DOCK3: variants seen among roughly 807,000 people sequenced by gnomAD.
DOCK3 encodes the protein dedicator of cytokinesis protein 3.
DOCK3 carries 60 observed loss-of-function variants against 265.6 expected under a neutral mutation model. The ratio of observed to expected loss-of-function variants is 0.23; its 90% CI spans 0.18 to 0.28. The LOEUF is 0.28. Among genes scored for constraint, DOCK3 ranks in the 10% least tolerant of loss-of-function variants. The pLI is 1.00. For missense variants in DOCK3, 1,981 were observed against 2,594.3 expected, an observed-to-expected ratio of 0.76 and a Z score of 5.14; for synonymous variants, 881 against 938.0, an observed-to-expected ratio of 0.94 and a Z score of 1.11.
intron 49 of DOCK3, among the ~76,000 whole-genome samples, chr3:51,367,745 T>C (rs2087334634): frequency 6.6e-6 from 1 of 152,236 alleles, no homozygotes; most frequent in South Asian, 2.1e-4. Context: ...CTCCTTCACT[T>C]ATGAAGCTTA....
rs912092126 is a variant in DOCK3, at chr3:51,310,428, G to T, written c.3017+102G>T. 7 of 1,080,440 alleles carry T rather than the reference G, an allele frequency of 6.5e-6. No individual in the cohort carries two copies. The South Asian group carries it at 9.7e-5, about 15-fold the overall frequency. The allele number at this position is 1,080,440 out of a possible 1,614,324, so 66.9% of individuals were successfully genotyped here. A position where few individuals can be genotyped will look rare whatever the true frequency, so the allele number is the denominator to read the frequency against. On this transcript the variant is annotated intron_variant, in intron 28 of 52. Coordinates refer to ENST00000266037, the MANE Select transcript of DOCK3 (RefSeq NM_004947.5). Reference sequence around the variant, plus strand: ...GAGCACATGAGCAAGACAAATAAAGGCCAGGGCCATGGGAACAGAGAGGAG... The same window carrying T: ...GAGCACATGAGCAAGACAAATAAAGTCCAGGGCCATGGGAACAGAGAGGAG...
At chr3:51,165,069 G>A (rs529969779) in intron 12 of DOCK3, among the ~76,000 whole-genome samples, 1 of 150,518 alleles carries the variant, frequency 6.6e-6, no homozygotes, top group Admixed American at 6.7e-5. Flanking sequence ...CTCCCGAGTA[G>A]CTGGGACTAC....
intron 4 of DOCK3, among the ~76,000 whole-genome samples, chr3:50,927,375 T>C (rs752423150): frequency 9.9e-5 from 15 of 152,168 alleles, no homozygotes; most frequent in Non-Finnish European, 1.9e-4. Flanking sequence ...TGTCTATAGC[T>C]AACAATAATT....
At chr3:50,811,784 A>G (rs371866050) in intron 2 of DOCK3, among the ~76,000 whole-genome samples, 1 of 152,230 alleles carries the variant, frequency 6.6e-6, no homozygotes, top group South Asian at 2.1e-4. Flanking sequence ...ATCTAAATAT[A>G]TTGTTATAAC....
intron 39 of DOCK3, 54 bp downstream of exon 39, chr3:51,348,992 GA>G: frequency 6.7e-7 from 1 of 1,493,722 alleles, no homozygotes; most frequent in Non-Finnish European, 9.1e-7. Flanking sequence ...GTTTCTAAAT[GA>G]GCGTTCTCTA....
At chr3:50,725,795 G>T (rs2037784649) in intron 1 of DOCK3, among the ~76,000 whole-genome samples, 1 of 152,040 alleles carries the variant, frequency 6.6e-6, no homozygotes, top group East Asian at 1.9e-4. Context: ...TTGGTTTAGG[G>T]GCTTGCTTTT....
intron 5 of DOCK3, among the ~76,000 whole-genome samples, chr3:50,996,374 C>T (rs757512416): frequency 1.3e-5 from 2 of 151,738 alleles, no homozygotes; most frequent in Admixed American, 6.6e-5. Context: ...CCTACCACCA[C>T]GCCTGGCTAA....
chr3:51,338,477 C>T (rs2085011628), intron 36 of DOCK3, 58 bp downstream of exon 36: 1 of 1,541,564 alleles, frequency 6.5e-7, no homozygotes, highest in Middle Eastern at 1.7e-4. Flanking sequence ...CTGTCCTGCA[C>T]TGTGATTGGC....
At chr3:51,234,332 G>C (rs1263117776) in intron 19 of DOCK3, among the ~76,000 whole-genome samples, 2 of 151,960 alleles carry the variant, frequency 1.3e-5, no homozygotes, top group Non-Finnish European at 2.9e-5. Flanking sequence ...CCATCTTTTT[G>C]ATTGCGTTGT....
chr3:50,854,462 G>T (rs1205802958), intron 3 of DOCK3, among the ~76,000 whole-genome samples: 3 of 143,202 alleles, frequency 2.1e-5, no homozygotes. Flanking sequence ...ACAGGGTCTT[G>T]CTCTGTCATC....
chr3:51,074,325 G>C (rs1467895166), intron 6 of DOCK3, among the ~76,000 whole-genome samples: 1 of 152,140 alleles, frequency 6.6e-6, no homozygotes, highest in African/African-American at 2.4e-5. Context: ...GTTTAGAGCT[G>C]TTGTCTTAGA....
intron 5 of DOCK3, among the ~76,000 whole-genome samples, chr3:51,016,557 C>T (rs1289694767): frequency 0.021 from 138 of 6,608 alleles, 9 homozygotes; most frequent in African/African-American, 0.15. Context: ...TTATATATAT[C>T]ATATATTATA....
chr3:50,912,076 A>G (rs1407136375), intron 4 of DOCK3, among the ~76,000 whole-genome samples: 1 of 152,060 alleles, frequency 6.6e-6, no homozygotes, highest in African/African-American at 2.4e-5. Flanking sequence ...ATTTTCTGGT[A>G]GAGTTTGTAG....
At chr3:51,057,028 A>G (rs1289619479) in intron 5 of DOCK3, among the ~76,000 whole-genome samples, 2 of 152,224 alleles carry the variant, frequency 1.3e-5, no homozygotes, top group African/African-American at 2.4e-5. Flanking sequence ...GTCCGTAAGC[A>G]TATGTAGTTT....
chr3:51,095,877 G>GAATGTTGA (rs2082832297), intron 9 of DOCK3, among the ~76,000 whole-genome samples: 1 of 33,756 alleles, frequency 3.0e-5, no homozygotes, highest in African/African-American at 1.2e-4. Context: ...AAAAAAAAAA[G>GAATGTTGA]AATGTTGACT....
chr3:50,978,994 C>T (rs1295295398), intron 5 of DOCK3, among the ~76,000 whole-genome samples: 3 of 152,172 alleles, frequency 2.0e-5, no homozygotes, highest in Non-Finnish European at 4.4e-5. Context: ...ATGCCTTACC[C>T]TGCTTCGGCT....
chr3:51,264,731 G>A (rs1246439861), intron 23 of DOCK3, among the ~76,000 whole-genome samples: 7 of 152,032 alleles, frequency 4.6e-5, no homozygotes, highest in African/African-American at 1.7e-4. Context: ...GGAGGCTGAG[G>A]CAGGAGAATG....
chr3:50,928,752 C>A (rs2050903021), intron 4 of DOCK3, among the ~76,000 whole-genome samples: 1 of 152,098 alleles, frequency 6.6e-6, no homozygotes, highest in Non-Finnish European at 1.5e-5. Context: ...TTAATTTTAT[C>A]TGAAAAGAAT....
At chr3:51,278,342 G>A in intron 26 of DOCK3, 1 of 985,312 alleles carries the variant, frequency 1.0e-6, no homozygotes, top group Non-Finnish European at 1.2e-6. Context: ...CAATACCTTG[G>A]GCCCCTCATG....
Sources: gnomAD v4.1 joint callset for allele counts (sites outside exome capture counted in the v4.1 genomes callset) on GRCh38, gnomAD v4.1.1 for gene constraint, MANE v1.5 for transcripts, NCBI Gene and HGNC (gene_info 2026-07-23, HGNC 2026-07-21) for gene names.